The following MAP3K15 variants were observed in gnomAD, a reference collection of about 807,000 sequenced individuals.
The protein encoded by MAP3K15 is MAPK/ERK kinase kinase 15.
A neutral mutation model predicts 99.5 loss-of-function variants in MAP3K15; 124 were observed. The ratio of observed to expected loss-of-function variants is 1.25; its 90% CI spans 1.08 to 1.45. The LOEUF is 1.45. MAP3K15 is among the 40% of genes most tolerant of loss of function. The pLI is 0.00. For missense variants in MAP3K15, 1,242 were observed against 1,079.7 expected, an observed-to-expected ratio of 1.15 and a Z score of -2.11; for synonymous variants, 494 against 439.6, an observed-to-expected ratio of 1.12 and a Z score of -1.55.
rs751340459 is a variant in MAP3K15 at position 19,505,064 on chromosome X, T to C, written c.361+9837A>G. On this transcript the variant is annotated intron_variant, in intron 1 of 28. Coordinates refer to ENST00000338883, the MANE Select transcript of MAP3K15 (RefSeq NM_001001671.4). ...AAAGATTTTATGTAAAAAATAATAA[T>C]AAAAATAAAACATTTGAAAAAGTTA... Among the ~76,000 whole-genome samples, 97 of 108,146 alleles carry C rather than the reference T, an allele frequency of 9.0e-4. 1 individual carries two copies. The highest frequency in any genetic ancestry group is 1.6e-3 in the Non-Finnish European group (84 of 52,188). 93.9% of individuals were successfully genotyped at this position (108,146 alleles called of 115,157 possible). A position where few individuals can be genotyped will look rare whatever the true frequency, so the allele number is the denominator to read the frequency against.
chrX:19,367,317 C>T (rs1339880863), intron 25 of MAP3K15, among the ~76,000 whole-genome samples: 1 of 110,642 alleles, frequency 9.0e-6, no homozygotes, highest in Non-Finnish European at 1.9e-5. Flanking sequence ...CACACTGGGG[C>T]CTACCAGAGG....
At position 19,488,852 on chromosome X, in the gene MAP3K15, A is replaced by C; in HGVS notation, c.477T>G (p.Asp159Glu). 2.5e-6 allele frequency: 3 copies of C among 1,199,871 alleles called. No homozygotes were observed. The highest frequency in any genetic ancestry group is 3.4e-6 in the Non-Finnish European group (3 of 894,779). Residue 159 changes from aspartate (D) to glutamate (E), a missense_variant, in exon 2 of 29, where the codon GAT (aspartate) becomes GAG (glutamate). Coordinates refer to ENST00000338883, the MANE Select transcript of MAP3K15 (RefSeq NM_001001671.4). The part of the protein sequence containing the change: ...ANNVILYHDT[D>E]ADTALSLKDM... ...CCTTCAAAGAGAGAGCAGTGTCGGC[A>C]TCGGTGTCATGGTACAAGATCACAT... is the stretch of plus-strand genomic sequence containing the variant.
At chrX:19,401,389 G>T (rs1156786670) in intron 13 of MAP3K15, among the ~76,000 whole-genome samples, 1 of 109,988 alleles carries the variant, frequency 9.1e-6, no homozygotes, top group Non-Finnish European at 1.9e-5. Context: ...TGTAGACGGG[G>T]TCTCACTATG....
chrX:19,469,622 A>C (rs1419182213), intron 3 of MAP3K15, among the ~76,000 whole-genome samples: 15 of 111,063 alleles, frequency 1.4e-4, no homozygotes, highest in Non-Finnish European at 2.6e-4. Flanking sequence ...CAACCTACAG[A>C]ATGGGAGAAA....
In MAP3K15 at chrX:19,420,210, G is replaced by C. The variant is rs1160390427; in HGVS notation, c.1440-4953C>G. ...GATCAGAGCAGAACTGAAGGAAATA[G>C]AGACACAAAAAACCCTTCAAAAAAA... On this transcript the variant is annotated intron_variant, in intron 9 of 28. Transcript: ENST00000338883. 5.4e-5 allele frequency among the ~76,000 whole-genome samples: 6 copies of C among 111,519 alleles called. 1 individual carries two copies. The highest frequency in any genetic ancestry group is 2.0e-4 in the African/African-American group (6 of 30,678).
rs139601265 is a variant in MAP3K15 at position 19,444,489 on chromosome X, C to T, written c.995+12424G>A. On this transcript the variant is annotated intron_variant, in intron 6 of 28. Transcript: ENST00000338883. Reference sequence around the variant, plus strand: ...TTTTCTACCTGCTCAGAACGATATTCGTTGGCCGCTCAATCACGCATTAAA... The same window carrying T: ...TTTTCTACCTGCTCAGAACGATATTTGTTGGCCGCTCAATCACGCATTAAA... 8.5e-3 allele frequency among the ~76,000 whole-genome samples: 950 copies of T among 111,574 alleles called. 13 individuals are homozygous for T. Among genetic ancestry groups the T allele is most frequent in the African/African-American group, 0.029 (879 of 30,729 alleles).
chrX:19,381,564 T>C (rs1450905772), intron 18 of MAP3K15, among the ~76,000 whole-genome samples: 2 of 111,901 alleles, frequency 1.8e-5, no homozygotes, highest in African/African-American at 3.3e-5. Context: ...AAGGGGATCA[T>C]GGGTGTGAGA....
In MAP3K15 at chrX:19,396,739, A is replaced by C. The variant is rs1180901549; in HGVS notation, c.2066+1487T>G. 2.7e-5 allele frequency among the ~76,000 whole-genome samples: 3 copies of C among 111,260 alleles called. No homozygotes were observed. In the South Asian group the frequency reaches 1.1e-3, roughly 42 times the overall value. Reference sequence around the variant, plus strand: ...ATCACCCAGATACATGGGTGTTTACACATTATTCTTCAGCACTCGACACTG... The same window carrying C: ...ATCACCCAGATACATGGGTGTTTACCCATTATTCTTCAGCACTCGACACTG... On this transcript the variant is annotated intron_variant, in intron 15 of 28. Coordinates refer to ENST00000338883, the MANE Select transcript of MAP3K15 (RefSeq NM_001001671.4).
chrX:19,493,570 T>A (rs112446947), intron 1 of MAP3K15, among the ~76,000 whole-genome samples: 49 of 111,525 alleles, frequency 4.4e-4, no homozygotes, highest in African/African-American at 1.6e-3. Flanking sequence ...AAACACCAGA[T>A]TGGAACTTTT....
At chrX:19,431,162 G>A (rs1177896407) in intron 7 of MAP3K15, among the ~76,000 whole-genome samples, 1 of 111,632 alleles carries the variant, frequency 9.0e-6, no homozygotes, top group Admixed American at 9.6e-5. Context: ...GGTGGACAAG[G>A]CTCTGGAAGT....
At chrX:19,361,793 G>A (rs12857296) in intron 26 of MAP3K15, 200 bp from the exon 27 acceptor site, 2 of 346,299 alleles carry the variant, frequency 5.8e-6, no homozygotes, top group East Asian at 4.9e-5. Context: ...TCCTCATCTA[G>A]GATACCTTCA....
At chrX:19,486,586 T>C (rs1341481972) in intron 2 of MAP3K15, 81 bp from the exon 3 acceptor site, 5 of 391,928 alleles carry the variant, frequency 1.3e-5, no homozygotes, top group Non-Finnish European at 2.0e-5. Context: ...CTCCCCTCTA[T>C]AAAAGAAATT....
chrX:19,496,066 A>ATTT (rs374380661), intron 1 of MAP3K15, among the ~76,000 whole-genome samples: 1 of 91,561 alleles, frequency 1.1e-5, no homozygotes, highest in African/African-American at 4.1e-5. Flanking sequence ...CATCACCCCA[A>ATTT]TTTTTTTTTT....
intron 9 of MAP3K15, among the ~76,000 whole-genome samples, chrX:19,416,826 G>C (rs1383962773): frequency 1.8e-5 from 2 of 112,080 alleles, no homozygotes; most frequent in African/African-American, 6.5e-5. Context: ...AGTTTTTGGT[G>C]AATTTTCAAC....
At position 19,361,021 on chromosome X, in the gene MAP3K15, AAAT is replaced by A. The variant is rs1350351322; in HGVS notation, c.3858-191_3858-189del. 3 of 423,024 alleles carry A rather than the reference AAAT, an allele frequency of 7.1e-6. No homozygotes were observed. In the African/African-American group the frequency reaches 7.4e-5, roughly 10 times the overall value. The allele number at this position is 423,024 out of a possible 1,213,427, so 34.9% of individuals were successfully genotyped here. ...GTACCTGCAGAGAGCTGGCTATTTC[AAAT>A]GACTCGGGAACAAGAAGGCAGGCTG... On this transcript the variant is annotated intron_variant, in intron 28 of 28. Coordinates refer to ENST00000338883, the MANE Select transcript of MAP3K15 (RefSeq NM_001001671.4).
intron 9 of MAP3K15, among the ~76,000 whole-genome samples, chrX:19,420,614 G>A (rs765746863): frequency 9.0e-6 from 1 of 111,354 alleles, no homozygotes; most frequent in South Asian, 3.8e-4. Context: ...ACAATGAGGA[G>A]CTGGTACCAT....
intron 1 of MAP3K15, among the ~76,000 whole-genome samples, chrX:19,511,870 T>C (rs2064520974): frequency 8.9e-6 from 1 of 112,202 alleles, no homozygotes; most frequent in South Asian, 3.7e-4. Context: ...CAGGCAAATG[T>C]ATGTTTACTG....
At chrX:19,391,963 C>A in intron 18 of MAP3K15, 39 bp downstream of exon 18, 1 of 1,036,300 alleles carries the variant, frequency 9.6e-7, no homozygotes, top group South Asian at 1.9e-5. Context: ...AAGCGTAACT[C>A]TGGGATGGGC....
chrX:19,463,032 A>G (rs933677558), intron 4 of MAP3K15, among the ~76,000 whole-genome samples: 3 of 112,080 alleles, frequency 2.7e-5, no homozygotes, highest in Non-Finnish European at 3.8e-5. Flanking sequence ...TAGCCAGTCT[A>G]CCTCCTTGTC....
Sources: allele counts gnomAD v4.1 joint callset (sites outside exome capture counted in the v4.1 genomes callset), GRCh38; gene constraint gnomAD v4.1.1; transcripts MANE v1.5; gene names NCBI Gene and HGNC (gene_info 2026-07-23, HGNC 2026-07-21).